LRRTM3: variants seen among roughly 807,000 people sequenced by gnomAD.
The protein encoded by LRRTM3 is leucine-rich repeat transmembrane neuronal protein 3.
LRRTM3 carries 24 observed loss-of-function variants against 44.7 expected under a neutral mutation model. The observed-to-expected ratio is 0.54, with a 90% CI of 0.39 to 0.76. The LOEUF is 0.76. Ranked by LOEUF, LRRTM3 falls within the 30% of genes least tolerant of loss-of-function variation. The pLI is 0.00. For missense variants in LRRTM3, 587 were observed against 702.2 expected, an observed-to-expected ratio of 0.84 and a Z score of 1.85; for synonymous variants, 277 against 278.7, an observed-to-expected ratio of 0.99 and a Z score of 0.06.
intron 2 of LRRTM3, among the ~76,000 whole-genome samples, chr10:67,030,249 A>G (rs1853634270): frequency 6.6e-6 from 1 of 152,222 alleles, no homozygotes; most frequent in South Asian, 2.1e-4. Flanking sequence ...GCTCTACATA[A>G]TGGTGCTCTG....
At chr10:67,085,243 C>T (rs1857237722) in intron 2 of LRRTM3, among the ~76,000 whole-genome samples, 2 of 151,700 alleles carry the variant, frequency 1.3e-5, no homozygotes, top group South Asian at 2.1e-4. Context: ...AAATTGTCTA[C>T]ATATATATGT....
chr10:67,001,142 A>G (rs1270367836), intron 2 of LRRTM3, among the ~76,000 whole-genome samples: 1 of 151,706 alleles, frequency 6.6e-6, no homozygotes, highest in Non-Finnish European at 1.5e-5. Flanking sequence ...CTCTACTAAA[A>G]ATACAAAAAT....
intron 2 of LRRTM3, among the ~76,000 whole-genome samples, chr10:67,093,746 A>T (rs1019305163): frequency 6.6e-6 from 1 of 152,030 alleles, no homozygotes; most frequent in Admixed American, 6.6e-5. Flanking sequence ...GGTGTGAAAA[A>T]TACCATATGC....
intron 2 of LRRTM3, among the ~76,000 whole-genome samples, chr10:66,979,572 G>A (rs1379734225): frequency 6.6e-6 from 1 of 152,040 alleles, no homozygotes; most frequent in African/African-American, 2.4e-5. Context: ...CTGGCCATGC[G>A]ACCTGGAAGA....
intron 2 of LRRTM3, among the ~76,000 whole-genome samples, chr10:67,010,785 G>A (rs961653064): frequency 6.6e-6 from 1 of 152,156 alleles, no homozygotes; most frequent in African/African-American, 2.4e-5. Context: ...CCACAGAAAG[G>A]ATTTGAGCAT....
chr10:67,044,896 C>G (rs1405031658), intron 2 of LRRTM3, among the ~76,000 whole-genome samples: 2 of 152,092 alleles, frequency 1.3e-5, no homozygotes, highest in African/African-American at 4.8e-5. Context: ...ACCTTCTTAG[C>G]GCCTCTATTT....
At chr10:67,043,033 T>C (rs1854502533) in intron 2 of LRRTM3, among the ~76,000 whole-genome samples, 1 of 151,784 alleles carries the variant, frequency 6.6e-6, no homozygotes, top group South Asian at 2.1e-4. Context: ...GAAGAAGTAG[T>C]GTTAAATAGG....
intron 2 of LRRTM3, among the ~76,000 whole-genome samples, chr10:67,094,087 G>A (rs920694975): frequency 1.3e-5 from 2 of 151,918 alleles, no homozygotes; most frequent in Non-Finnish European, 2.9e-5. Flanking sequence ...AACATATGAT[G>A]TTGATATAGA....
chr10:67,006,691 A>C (rs1335211017), intron 2 of LRRTM3, among the ~76,000 whole-genome samples: 1 of 152,216 alleles, frequency 6.6e-6, no homozygotes, highest in African/African-American at 2.4e-5. Flanking sequence ...GCACACTATA[A>C]GATGTAAACA....
At chr10:66,961,672 C>T (rs578096657) in intron 2 of LRRTM3, among the ~76,000 whole-genome samples, 2 of 152,170 alleles carry the variant, frequency 1.3e-5, no homozygotes, top group East Asian at 3.9e-4. Flanking sequence ...TTGATCTCTC[C>T]CCTGAATTCT....
chr10:66,963,529 A>G (rs1163946858), intron 2 of LRRTM3, among the ~76,000 whole-genome samples: 2 of 152,186 alleles, frequency 1.3e-5, no homozygotes, highest in African/African-American at 4.8e-5. Context: ...AAATATAAGA[A>G]CAGGATTGGA....
chr10:67,070,671 C>T (rs10997493), intron 2 of LRRTM3, among the ~76,000 whole-genome samples: 4 of 151,650 alleles, frequency 2.6e-5, no homozygotes, highest in Admixed American at 6.6e-5. Context: ...CGCTTGAACC[C>T]GGGAGGCGGA....
At chr10:66,932,147 A>AG (rs1847437376) in intron 2 of LRRTM3, among the ~76,000 whole-genome samples, 1 of 152,072 alleles carries the variant, frequency 6.6e-6, no homozygotes, top group Non-Finnish European at 1.5e-5. Context: ...TGGTTCTATT[A>AG]GGCTCTCTGA....
chr10:67,017,725 C>CTGTGTGTGTG (rs10586644), intron 2 of LRRTM3, among the ~76,000 whole-genome samples: 3 of 147,892 alleles, frequency 2.0e-5, no homozygotes, highest in African/African-American at 7.5e-5. Flanking sequence ...CAAAAATCAT[C>CTGTGTGTGTG]TGTGTGTGTG....
At chr10:66,945,691 C>T (rs1280929629) in intron 2 of LRRTM3, among the ~76,000 whole-genome samples, 1 of 152,152 alleles carries the variant, frequency 6.6e-6, no homozygotes. Context: ...TTTCAACATG[C>T]CTTCCTCATT....
chr10:67,101,218 A>C lies in LRRTM3; in HGVS notation c.*3422A>C, dbSNP rs2131944381. On this transcript the variant is annotated 3_prime_UTR_variant, in exon 3 of 3. Coordinates refer to ENST00000361320, the MANE Select transcript of LRRTM3 (RefSeq NM_178011.5). Reference sequence around the variant, plus strand: ...CATAAAATCAAGGAAGCACAAGGAAAGAAACCCCAAGGAAAAAACCAAAGA... The same window carrying C: ...CATAAAATCAAGGAAGCACAAGGAACGAAACCCCAAGGAAAAAACCAAAGA... Among the ~76,000 whole-genome samples the C allele has an allele frequency of 6.6e-6, 1 of 151,870 alleles. No homozygotes were observed. The highest frequency in any genetic ancestry group is 1.5e-5 in the Non-Finnish European group (1 of 67,784).
intron 2 of LRRTM3, among the ~76,000 whole-genome samples, chr10:67,052,348 C>CTT (rs200063468): frequency 0.018 from 2,442 of 134,414 alleles, 239 homozygotes; most frequent in African/African-American, 0.048. Flanking sequence ...CTCTCTCTCT[C>CTT]TCTCTCATTA....
intron 2 of LRRTM3, among the ~76,000 whole-genome samples, chr10:66,954,284 A>G (rs1848682375): frequency 6.6e-6 from 1 of 152,206 alleles, no homozygotes; most frequent in South Asian, 2.1e-4. Flanking sequence ...TGTAAACCAT[A>G]TATTTGAAAC....
chr10:66,959,317 C>G (rs1417273728), intron 2 of LRRTM3, among the ~76,000 whole-genome samples: 1 of 152,142 alleles, frequency 6.6e-6, no homozygotes. Flanking sequence ...TCAGGGAACT[C>G]TTTGAGCTAG....
Sources: allele counts gnomAD v4.1 joint callset (sites outside exome capture counted in the v4.1 genomes callset), GRCh38; gene constraint gnomAD v4.1.1; transcripts MANE v1.5; gene names NCBI Gene and HGNC (gene_info 2026-07-23, HGNC 2026-07-21).